NCAM1: variants seen among roughly 807,000 people sequenced by gnomAD.
NCAM1 encodes the protein antigen recognized by monoclonal antibody 5.1H11.
Under a neutral mutation model 109.8 loss-of-function variants are expected in NCAM1, and 14 were observed. The observed-to-expected ratio is 0.13, with a 90% CI of 0.08 to 0.20. The LOEUF is 0.20. Among genes scored for constraint, NCAM1 ranks in the 10% least tolerant of loss-of-function variants. The pLI, the probability that NCAM1 is intolerant of heterozygous loss-of-function variation, is 1.00. For missense variants in NCAM1, 774 were observed against 1,109.9 expected (o/e 0.70, Z 4.30); for synonymous variants, 418 against 442.9 (o/e 0.94, Z 0.70).
At chr11:113,147,559 C>T (rs532620942) in intron 1 of NCAM1, among the ~76,000 whole-genome samples, 12 of 152,306 alleles carry the variant, frequency 7.9e-5, no homozygotes, top group South Asian at 4.1e-4. Flanking sequence ...GTAGGTGGGA[C>T]GACTCTGCTA....
rs111367570 is a variant in NCAM1 at position 113,058,036 on chromosome 11, G to A, written c.52+96372G>A. On this transcript the variant is annotated intron_variant, in intron 1 of 19. Transcript: ENST00000316851. ...TTGGTGGCTCACACCTGTAATTCCAGCACTTTGGGAGGCCGAGGTGGGCGT... is the reference window on the plus strand; with the variant it reads ...TTGGTGGCTCACACCTGTAATTCCAACACTTTGGGAGGCCGAGGTGGGCGT... 4.1e-3 allele frequency among the ~76,000 whole-genome samples: 622 copies of A among 152,258 alleles called. 5 individuals carry two copies. The highest frequency in any genetic ancestry group is 0.014 in the African/African-American group (586 of 41,540).
rs554477726 is a variant in NCAM1, at chr11:112,962,047, C to T, written c.52+383C>T. On this transcript the variant is annotated intron_variant, in intron 1 of 19. Coordinates refer to ENST00000316851, the MANE Select transcript of NCAM1 (RefSeq NM_181351.5). This position sits in a 1 kb window ranked among gnomAD's most constrained non-coding sequence, Gnocchi z 5.6. ...GGGGAGGTCGCGGCTCGGGTGGTGC[C>T]GCCGCACGGGCTCGGATTCCGAGGG... 1.3e-3 allele frequency among the ~76,000 whole-genome samples: 198 copies of T among 152,256 alleles called. No individual in the cohort carries two copies. The highest frequency in any genetic ancestry group is 4.5e-3 in the African/African-American group (186 of 41,558).
At chr11:113,009,621 C>T (rs188137841) in intron 1 of NCAM1, among the ~76,000 whole-genome samples, 1 of 152,116 alleles carries the variant, frequency 6.6e-6, no homozygotes, top group Admixed American at 6.5e-5. Flanking sequence ...TCCATGCAAC[C>T]GAATGTGATT....
chr11:112,976,161 CAT>C (rs571400587), intron 1 of NCAM1, among the ~76,000 whole-genome samples: 226 of 151,892 alleles, frequency 1.5e-3, no homozygotes, highest in African/African-American at 4.8e-3. Flanking sequence ...TTTAAGAAAA[CAT>C]AAATTATAAA....
At chr11:113,041,939 T>C (rs1555080044) in intron 1 of NCAM1, among the ~76,000 whole-genome samples, 2 of 152,204 alleles carry the variant, frequency 1.3e-5, no homozygotes. Flanking sequence ...TTCTCTTCTC[T>C]CTCTAAAAGA....
At chr11:113,174,288 C>T (rs1433642890) in intron 1 of NCAM1, among the ~76,000 whole-genome samples, 2 of 152,196 alleles carry the variant, frequency 1.3e-5, no homozygotes, top group African/African-American at 4.8e-5. Context: ...GGTTTCAGCC[C>T]TTATTGACAT....
At chr11:113,216,821 G>A (rs782568109) in intron 8 of NCAM1, among the ~76,000 whole-genome samples, 5 of 152,126 alleles carry the variant, frequency 3.3e-5, no homozygotes, top group Non-Finnish European at 4.4e-5. Flanking sequence ...TCAAAGAGGC[G>A]TATTGTCCAT....
intron 16 of NCAM1, 82 bp downstream of exon 16, chr11:113,256,083 A>C: frequency 4.4e-5 from 65 of 1,491,402 alleles, no homozygotes; most frequent in Non-Finnish European, 5.3e-5. Flanking sequence ...GGGGCAGCCC[A>C]CGGGGCAGGG....
Position 113,277,280 on chromosome 11 carries a change from T to C in NCAM1, c.*1893T>C. 1 of 399,062 alleles carries C rather than the reference T, an allele frequency of 2.5e-6. No individual in the cohort carries two copies. The allele number at this position is 399,062 out of a possible 1,614,324, so 24.7% of individuals were successfully genotyped here. ...TCTGATCAGTGGCGATGCTAGATTATAATTTCAAACTGTGAAGAATAATGG... is the reference window on the plus strand; with the variant it reads ...TCTGATCAGTGGCGATGCTAGATTACAATTTCAAACTGTGAAGAATAATGG... On this transcript the variant is annotated 3_prime_UTR_variant, in exon 20 of 20. Transcript: ENST00000316851.
In NCAM1 at chr11:112,996,699, G is replaced by A. The variant is rs143256416; in HGVS notation, c.52+35035G>A. On this transcript the variant is annotated intron_variant, in intron 1 of 19. Coordinates refer to ENST00000316851, the MANE Select transcript of NCAM1 (RefSeq NM_181351.5). ...TATTCTGCATTTCATCATTAAGGAGGCTAGGCATTTTCTCCTGTAATGATT... is the reference window on the plus strand; with the variant it reads ...TATTCTGCATTTCATCATTAAGGAGACTAGGCATTTTCTCCTGTAATGATT... Among the ~76,000 whole-genome samples the A allele has an allele frequency of 7.9e-5, 12 of 152,236 alleles. No individual in the cohort carries two copies. The East Asian group carries it at 2.3e-3, about 29-fold the overall frequency.
In NCAM1 at chr11:112,962,410, G is replaced by A. The variant is rs1198532433; in HGVS notation, c.52+746G>A. Among the ~76,000 whole-genome samples, 5 of 151,734 alleles carry A rather than the reference G, an allele frequency of 3.3e-5. No homozygotes were observed. Among genetic ancestry groups the A allele is most frequent in the African/African-American group, 1.2e-4 (5 of 41,326 alleles). ...GAGGAAGTGCGGAGGGGCGGAGGGC[G>A]AGGAGGGCGTGATTGGGGCTGCCTG... is the stretch of plus-strand genomic sequence containing the variant. On this transcript the variant is annotated intron_variant, in intron 1 of 19. Coordinates refer to ENST00000316851, the MANE Select transcript of NCAM1 (RefSeq NM_181351.5). The surrounding 1 kb of genome is among the most constrained non-coding windows in gnomAD (Gnocchi z 5.6).
intron 1 of NCAM1, among the ~76,000 whole-genome samples, chr11:113,186,644 G>A (rs1020945834): frequency 6.6e-5 from 10 of 152,190 alleles, no homozygotes; most frequent in Admixed American, 6.5e-5. Context: ...CGGCACTCTG[G>A]GGGCCTGGGT....
At chr11:113,269,981 G>A (rs1946229731) in intron 17 of NCAM1, 2 of 597,174 alleles carry the variant, frequency 3.3e-6, no homozygotes, top group Admixed American at 5.9e-5. Flanking sequence ...GTGAGATGAT[G>A]TTGTCATCCC....
Position 113,159,902 on chromosome 11 carries a change from C to T in NCAM1, c.53-42477C>T, listed in dbSNP as rs148560374. On this transcript the variant is annotated intron_variant, in intron 1 of 19. Coordinates refer to ENST00000316851, the MANE Select transcript of NCAM1 (RefSeq NM_181351.5). Reference sequence around the variant, plus strand: ...CCCTGGTGTGTGATGTTATTACACACACCCCAAAAGTGAGAATGTAGTTGT... The same window carrying T: ...CCCTGGTGTGTGATGTTATTACACATACCCCAAAAGTGAGAATGTAGTTGT... 6.9e-3 allele frequency among the ~76,000 whole-genome samples: 955 copies of T among 138,908 alleles called. 12 individuals are homozygous for T. The highest frequency in any genetic ancestry group is 0.025 in the African/African-American group (904 of 36,896). 91.1% of individuals were successfully genotyped at this position (138,908 alleles called of 152,430 possible). A position where few individuals can be genotyped will look rare whatever the true frequency, so the allele number is the denominator to read the frequency against.
At chr11:113,118,251 C>G (rs575304190) in intron 1 of NCAM1, among the ~76,000 whole-genome samples, 2 of 151,918 alleles carry the variant, frequency 1.3e-5, no homozygotes, top group South Asian at 4.2e-4. Flanking sequence ...CATTCATAAG[C>G]ATTTGTTCTT....
chr11:113,079,867 T>A (rs1555086852), intron 1 of NCAM1, among the ~76,000 whole-genome samples: 1 of 152,212 alleles, frequency 6.6e-6, no homozygotes, highest in Non-Finnish European at 1.5e-5. Context: ...GAGATTGGCA[T>A]ATTAGAGAAA....
chr11:113,026,638 T>C (rs956308539), intron 1 of NCAM1, among the ~76,000 whole-genome samples: 7 of 152,148 alleles, frequency 4.6e-5, no homozygotes, highest in Non-Finnish European at 8.8e-5. Flanking sequence ...TGGATAAATA[T>C]TTTGTATGGG....
chr11:113,145,273 T>G (rs1555101118), intron 1 of NCAM1, among the ~76,000 whole-genome samples: 1 of 152,234 alleles, frequency 6.6e-6, no homozygotes, highest in Non-Finnish European at 1.5e-5. Flanking sequence ...TGATTATTCT[T>G]TATATTTGAA....
Position 113,270,277 on chromosome 11 carries a change from A to T in NCAM1, c.2221A>T (p.Ile741Phe), listed in dbSNP as rs782556008. The T allele has an allele frequency of 2.5e-6, 4 of 1,614,040 alleles. No homozygotes were observed. The East Asian group carries it at 6.7e-5, about 27-fold the overall frequency. ...IFVLLLVVVD[I>F]TCYFLNKCGL... Reference sequence around the variant, plus strand: ...CGTCCTGCTCCTGGTGGTTGTGGACATCACCTGCTACTTCCTGAACAAGTG... The same window carrying T: ...CGTCCTGCTCCTGGTGGTTGTGGACTTCACCTGCTACTTCCTGAACAAGTG... Residue 741 changes from isoleucine to phenylalanine, a missense_variant, in exon 18 of 20, where the codon ATC becomes TTC. Physicochemically the swap from Ile to Phe is conservative, Grantham distance 21 (BLOSUM62 0). This residue lies in a region of NCAM1 where 523 missense variants were observed against 784.2 expected (regional missense o/e 0.67). Coordinates refer to ENST00000316851, the MANE Select transcript of NCAM1 (RefSeq NM_181351.5).
Sources: gnomAD v4.1 joint callset for allele counts (sites outside exome capture counted in the v4.1 genomes callset) on GRCh38, gnomAD v4.1.1 for gene constraint, gnomAD v4.1.1 regional missense constraint, Gnocchi (gnomAD v3.1) non-coding constraint, MANE v1.5 for transcripts, NCBI Gene and HGNC (gene_info 2026-07-23, HGNC 2026-07-21) for gene names.